Variants in INSC observed in about 807,000 individuals in gnomAD.
INSC encodes the protein protein inscuteable homolog.
Under a neutral mutation model 58.6 loss-of-function variants are expected in INSC, and 67 were observed. That is an observed-to-expected ratio of 1.14 (90% CI 0.94 to 1.40). INSC has a LOEUF of 1.40. Ranked by LOEUF, INSC falls within the 40% of genes most tolerant of loss-of-function variation. INSC has a pLI of 0.00. For missense variants in INSC, 714 were observed against 692.0 expected (o/e 1.03, Z -0.36); for synonymous variants, 262 against 276.1 (o/e 0.95, Z 0.51).
At chr11:15,141,256 C>T (rs553760849) in intron 1 of INSC, among the ~76,000 whole-genome samples, 337 of 151,956 alleles carry the variant, frequency 2.2e-3, no homozygotes, top group Non-Finnish European at 3.5e-3. Flanking sequence ...GATGAGATTC[C>T]TATTGCCTTC....
chr11:15,120,622 G>C (rs550621201), intron 1 of INSC, among the ~76,000 whole-genome samples: 1 of 152,324 alleles, frequency 6.6e-6, no homozygotes, highest in African/African-American at 2.4e-5. Flanking sequence ...TATGGTGTGG[G>C]TGGTCAGTAG....
chr11:15,160,323 C>T (rs1848974213), intron 2 of INSC, among the ~76,000 whole-genome samples: 1 of 152,106 alleles, frequency 6.6e-6, no homozygotes, highest in Non-Finnish European at 1.5e-5. Flanking sequence ...ATGTGCAAAG[C>T]CTGGGAGGCT....
At chr11:15,254,970 G>A in the INSC span, among the ~76,000 whole-genome samples, 1 of 152,270 alleles carries the variant, frequency 6.6e-6, no homozygotes, top group South Asian at 2.1e-4. Context: ...TCTGTGCCAG[G>A]CACTGTATAT....
chr11:15,112,655 G>T (rs1847597677), upstream of INSC: 3 of 262,578 alleles, frequency 1.1e-5, no homozygotes, highest in South Asian at 5.6e-5. Flanking sequence ...AGTGGGGGGG[G>T]GGCATTTATG....
In INSC at chr11:15,219,920, TGTTA is replaced by T. The variant is rs570030398; in HGVS notation, c.820-1552_820-1549del. 3.6e-3 allele frequency among the ~76,000 whole-genome samples: 543 copies of T among 152,330 alleles called. 1 individual carries two copies. Among genetic ancestry groups the T allele is most frequent in the African/African-American group, 0.012 (516 of 41,560 alleles). ...CAAACGAGGCCTCTCTCTGAAGGCC[TGTTA>T]GTTAAACACCTGGCATGAGTCCAGT... On this transcript the variant is annotated intron_variant, in intron 7 of 12. Transcript: ENST00000379556.
chr11:15,142,726 T>C (rs1848400227), intron 1 of INSC, among the ~76,000 whole-genome samples: 1 of 151,400 alleles, frequency 6.6e-6, no homozygotes, highest in Non-Finnish European at 1.5e-5. Context: ...GACCACGCAG[T>C]GAGGACTGCA....
chr11:15,122,134 A>C (rs142788598), intron 1 of INSC, among the ~76,000 whole-genome samples: 1 of 152,188 alleles, frequency 6.6e-6, no homozygotes, highest in East Asian at 1.9e-4. Flanking sequence ...ACATATATGT[A>C]TATTTATTTC....
At chr11:15,157,220 A>C (rs1564874446) in intron 2 of INSC, among the ~76,000 whole-genome samples, 1 of 152,116 alleles carries the variant, frequency 6.6e-6, no homozygotes, top group Non-Finnish European at 1.5e-5. Context: ...TCAACTTCAG[A>C]TTTCAGTTCA....
chr11:15,208,730 C>T (rs1589971531), intron 7 of INSC, among the ~76,000 whole-genome samples: 1 of 152,202 alleles, frequency 6.6e-6, no homozygotes, highest in Non-Finnish European at 1.5e-5. Context: ...GTCCAGGTGC[C>T]TAAGTGCAGC....
downstream of INSC, among the ~76,000 whole-genome samples, chr11:15,248,921 G>T (rs748769093): frequency 1.3e-5 from 2 of 152,158 alleles, no homozygotes; most frequent in African/African-American, 4.8e-5. Context: ...ACCAAGGTAA[G>T]CCCTTACCAT....
chr11:15,112,535 A>T (rs1386360163), upstream of INSC: 26 of 1,600,074 alleles, frequency 1.6e-5, no homozygotes, highest in Non-Finnish European at 2.0e-5. Context: ...GTCTATGGGG[A>T]GTCCAGGAGT....
chr11:15,163,598 T>G (rs1849090540), intron 2 of INSC, among the ~76,000 whole-genome samples: 1 of 152,216 alleles, frequency 6.6e-6, no homozygotes. Context: ...ACTTATGTAT[T>G]TATTTTTTTG....
chr11:15,158,203 A>G (rs1361720455), intron 2 of INSC, among the ~76,000 whole-genome samples: 1 of 151,668 alleles, frequency 6.6e-6, no homozygotes, highest in African/African-American at 2.4e-5. Flanking sequence ...GATTCTTTGC[A>G]CAATTGTTGT....
chr11:15,266,590 A>G, the INSC span, among the ~76,000 whole-genome samples: 1 of 152,004 alleles, frequency 6.6e-6, no homozygotes, highest in Non-Finnish European at 1.5e-5. Flanking sequence ...CCAAATTAGA[A>G]GCTATCTTAT....
chr11:15,239,490 C>A (rs1312998416), intron 11 of INSC, among the ~76,000 whole-genome samples: 1 of 152,130 alleles, frequency 6.6e-6, no homozygotes, highest in Non-Finnish European at 1.5e-5. Context: ...TCACTATTAA[C>A]TCATTCATTA....
intron 6 of INSC, among the ~76,000 whole-genome samples, chr11:15,194,574 T>G (rs1476914727): frequency 1.3e-5 from 2 of 152,246 alleles, no homozygotes; most frequent in African/African-American, 4.8e-5. Context: ...AGTGGAGAAG[T>G]GAATTTTATG....
chr11:15,233,541 G>C (rs1852003962), intron 9 of INSC, among the ~76,000 whole-genome samples: 1 of 152,130 alleles, frequency 6.6e-6, no homozygotes, highest in Non-Finnish European at 1.5e-5. Flanking sequence ...AAACCACATG[G>C]GGTACAGGCT....
At chr11:15,135,399 C>T (rs1848220835) in intron 1 of INSC, among the ~76,000 whole-genome samples, 1 of 152,186 alleles carries the variant, frequency 6.6e-6, no homozygotes, top group Non-Finnish European at 1.5e-5. Context: ...TGTTTCCAAA[C>T]ATAAAGGATT....
intron 7 of INSC, among the ~76,000 whole-genome samples, chr11:15,218,024 T>C (rs1434179722): frequency 6.6e-6 from 1 of 152,150 alleles, no homozygotes; most frequent in Non-Finnish European, 1.5e-5. Context: ...GGAATTCCAC[T>C]CCTAGATTGG....
Sources: gnomAD v4.1 joint callset for allele counts (sites outside exome capture counted in the v4.1 genomes callset) on GRCh38, gnomAD v4.1.1 for gene constraint, MANE v1.5 for transcripts, NCBI Gene and HGNC (gene_info 2026-07-23, HGNC 2026-07-21) for gene names.